NRG3: variants seen among roughly 807,000 people sequenced by gnomAD.
NRG3 encodes neuregulin 3.
In NRG3, 31 loss-of-function variants were observed where a neutral mutation model predicts 66.9. The observed-to-expected ratio is 0.46, with a 90% CI of 0.35 to 0.63. The LOEUF is 0.63. Among genes scored for constraint, NRG3 ranks in the 20% least tolerant of loss-of-function variants. The pLI is 0.00. For missense variants in NRG3, 910 were observed against 878.9 expected, an observed-to-expected ratio of 1.04 and a Z score of -0.45; for synonymous variants, 393 against 359.4, an observed-to-expected ratio of 1.09 and a Z score of -1.06.
chr10:82,275,032 GA>G (rs1370227504), intron 1 of NRG3, among the ~76,000 whole-genome samples: 1 of 151,948 alleles, frequency 6.6e-6, no homozygotes, highest in African/African-American at 2.4e-5. Flanking sequence ...CCTCCATCTA[GA>G]GTGTCATATG....
intron 2 of NRG3, among the ~76,000 whole-genome samples, chr10:82,646,950 TC>T (rs1034672679): frequency 2.0e-5 from 3 of 150,434 alleles, no homozygotes; most frequent in Non-Finnish European, 4.4e-5. Flanking sequence ...CTTTTGCATT[TC>T]TTTTTTTTTT....
At chr10:82,837,901 A>G (rs2062858018) in intron 3 of NRG3, among the ~76,000 whole-genome samples, 1 of 152,186 alleles carries the variant, frequency 6.6e-6, no homozygotes, top group African/African-American at 2.4e-5. Context: ...CACTTATAGG[A>G]TCATCAACAA....
At chr10:82,596,619 C>T (rs1225153045) in intron 2 of NRG3, among the ~76,000 whole-genome samples, 1 of 152,104 alleles carries the variant, frequency 6.6e-6, no homozygotes, top group Non-Finnish European at 1.5e-5. Context: ...ATAGGCCACA[C>T]AGAACAACAA....
intron 1 of NRG3, among the ~76,000 whole-genome samples, chr10:82,277,209 G>A (rs181107376): frequency 4.2e-4 from 64 of 151,966 alleles, no homozygotes; most frequent in Middle Eastern, 3.4e-3. Flanking sequence ...CTCTAAGTAC[G>A]TTTTGGATCA....
At chr10:82,683,388 T>C (rs774591595) in intron 2 of NRG3, among the ~76,000 whole-genome samples, 3 of 152,126 alleles carry the variant, frequency 2.0e-5, no homozygotes, top group Non-Finnish European at 2.9e-5. Flanking sequence ...TAGAACCTTG[T>C]ATATAGTAGC....
chr10:82,180,069 T>C (rs977918133), intron 1 of NRG3, among the ~76,000 whole-genome samples: 2 of 151,920 alleles, frequency 1.3e-5, no homozygotes, highest in African/African-American at 4.8e-5. Context: ...ACACAACTGA[T>C]TTTTGCATGT....
intron 2 of NRG3, among the ~76,000 whole-genome samples, chr10:82,478,170 T>C (rs1358161397): frequency 6.6e-6 from 1 of 152,068 alleles, no homozygotes; most frequent in Non-Finnish European, 1.5e-5. Flanking sequence ...ATTTAGGAGT[T>C]CAGCAATCAC....
chr10:82,245,302 C>T (rs1258339910), intron 1 of NRG3, among the ~76,000 whole-genome samples: 1 of 152,092 alleles, frequency 6.6e-6, no homozygotes, highest in Non-Finnish European at 1.5e-5. Flanking sequence ...GCTCATCTGA[C>T]AGGAGACGGA....
rs115829452 is a variant in NRG3, at chr10:82,616,701, G to A, written c.954-121876G>A. ...TTTGTTAAAAACTGTATCATAATAC[G>A]TAATGTCTGACATCAAGAGATCATA... On this transcript the variant is annotated intron_variant, in intron 2 of 8. Coordinates refer to ENST00000372141, the MANE Select transcript of NRG3 (RefSeq NM_001010848.4). Among the ~76,000 whole-genome samples, 655 of 152,150 alleles carry A rather than the reference G, an allele frequency of 4.3e-3. 5 individuals carry two copies. The highest frequency in any genetic ancestry group is 0.015 in the African/African-American group (609 of 41,502).
At chr10:82,936,221 C>T (rs939656557) in intron 4 of NRG3, among the ~76,000 whole-genome samples, 1 of 152,058 alleles carries the variant, frequency 6.6e-6, no homozygotes, top group African/African-American at 2.4e-5. Flanking sequence ...ACAACATGGA[C>T]AGTAATGAAA....
intron 2 of NRG3, among the ~76,000 whole-genome samples, chr10:82,392,003 A>C (rs964474998): frequency 3.4e-5 from 5 of 148,704 alleles, no homozygotes; most frequent in South Asian, 2.1e-4. Context: ...CAAAAAAAAA[A>C]AAAAAAACAA....
intron 2 of NRG3, among the ~76,000 whole-genome samples, chr10:82,655,033 G>C (rs1002740744): frequency 2.0e-5 from 3 of 151,752 alleles, no homozygotes; most frequent in East Asian, 3.9e-4. Flanking sequence ...AGTTTTATTT[G>C]CCTTAACTAT....
At chr10:82,492,671 A>G (rs896936761) in intron 2 of NRG3, among the ~76,000 whole-genome samples, 4 of 152,244 alleles carry the variant, frequency 2.6e-5, no homozygotes, top group Admixed American at 6.5e-5. Context: ...AGTTGAATGT[A>G]TAAGTTCACA....
intron 2 of NRG3, among the ~76,000 whole-genome samples, chr10:82,570,585 G>T (rs966393732): frequency 6.6e-5 from 10 of 151,388 alleles, no homozygotes; most frequent in African/African-American, 2.4e-4. Flanking sequence ...CTTTTTAAGA[G>T]GTGCAATAAA....
intron 4 of NRG3, among the ~76,000 whole-genome samples, chr10:82,884,200 G>GT (rs907017443): frequency 3.9e-5 from 6 of 152,074 alleles, no homozygotes; most frequent in Non-Finnish European, 8.8e-5. Flanking sequence ...AACTGCAGTT[G>GT]TTTTATATAG....
intron 2 of NRG3, among the ~76,000 whole-genome samples, chr10:82,439,397 A>G (rs6584727): frequency 0.2 from 30,095 of 151,884 alleles, 4,064 homozygotes; most frequent in African/African-American, 0.39. Context: ...ACCTTCAACT[A>G]TTTTATTAAA....
At chr10:82,249,639 G>T (rs573688357) in intron 1 of NRG3, among the ~76,000 whole-genome samples, 1 of 152,286 alleles carries the variant, frequency 6.6e-6, no homozygotes, top group South Asian at 2.1e-4. Context: ...TTGTAAATAA[G>T]CATTTTCTGG....
chr10:82,760,654 G>T (rs1313636684), intron 3 of NRG3, among the ~76,000 whole-genome samples: 1 of 151,848 alleles, frequency 6.6e-6, no homozygotes, highest in Non-Finnish European at 1.5e-5. Flanking sequence ...CATTACAGAG[G>T]CTATGGTTTT....
chr10:82,635,651 T>C (rs1369088667), intron 2 of NRG3, among the ~76,000 whole-genome samples: 3 of 152,166 alleles, frequency 2.0e-5, no homozygotes, highest in Admixed American at 6.6e-5. Flanking sequence ...AATACATTTT[T>C]TGGTTTGAAA....
Sources: gnomAD v4.1 joint callset for allele counts (sites outside exome capture counted in the v4.1 genomes callset) on GRCh38, gnomAD v4.1.1 for gene constraint, MANE v1.5 for transcripts, NCBI Gene and HGNC (gene_info 2026-07-23, HGNC 2026-07-21) for gene names.